The following SOX5 variants were observed in gnomAD, a reference collection of about 807,000 sequenced individuals.
SOX5 encodes transcription factor SOX-5.
In SOX5, 9 loss-of-function variants were observed where a neutral mutation model predicts 92.0. That is an observed-to-expected ratio of 0.10 (90% CI 0.06 to 0.17). The LOEUF is 0.17. SOX5 is among the 10% of genes least tolerant of loss of function. SOX5 has a pLI of 1.00. For missense variants in SOX5, 642 were observed against 944.5 expected (o/e 0.68, Z 4.20); for synonymous variants, 344 against 336.3 (o/e 1.02, Z -0.25).
intron 1 of SOX5, among the ~76,000 whole-genome samples, chr12:24,485,813 C>A (rs1353450761): frequency 1.3e-5 from 2 of 152,192 alleles, no homozygotes; most frequent in Non-Finnish European, 2.9e-5. Flanking sequence ...GTCTTTCAAG[C>A]AGCCACATTT....
At chr12:24,381,317 T>G (rs973364133) in intron 1 of SOX5, among the ~76,000 whole-genome samples, 2 of 152,218 alleles carry the variant, frequency 1.3e-5, no homozygotes. Context: ...AGTTGATAGA[T>G]TTTAGAATGT....
intron 4 of SOX5, among the ~76,000 whole-genome samples, chr12:24,091,864 ACTAAAATT>A (rs1317524361): frequency 6.6e-6 from 1 of 152,030 alleles, no homozygotes; most frequent in East Asian, 1.9e-4. Context: ...TTTTACACCT[ACTAAAATT>A]CTACTCTTCC....
At chr12:23,622,718 C>T (rs1162765127) in intron 8 of SOX5, among the ~76,000 whole-genome samples, 1 of 152,030 alleles carries the variant, frequency 6.6e-6, no homozygotes, top group Non-Finnish European at 1.5e-5. Context: ...AAAAGATTCA[C>T]AAAATCCTAC....
chr12:24,240,903 TGAC>T (rs1417358734), intron 3 of SOX5, among the ~76,000 whole-genome samples: 1 of 152,230 alleles, frequency 6.6e-6, no homozygotes, highest in Non-Finnish European at 1.5e-5. Flanking sequence ...TTTTTCTTAA[TGAC>T]ATCATTTTAA....
At chr12:23,587,753 G>C (rs1950952225) in intron 9 of SOX5, among the ~76,000 whole-genome samples, 1 of 152,010 alleles carries the variant, frequency 6.6e-6, no homozygotes, top group African/African-American at 2.4e-5. Flanking sequence ...AGACCTATTT[G>C]CCTTCAACTT....
intron 1 of SOX5, among the ~76,000 whole-genome samples, chr12:24,536,829 G>A (rs897153221): frequency 6.6e-6 from 1 of 152,054 alleles, no homozygotes; most frequent in African/African-American, 2.4e-5. Context: ...CTGAATTCAA[G>A]GATTCAAATC....
At chr12:23,682,013 T>G (rs1351252069) in intron 6 of SOX5, among the ~76,000 whole-genome samples, 8 of 151,518 alleles carry the variant, frequency 5.3e-5, no homozygotes, top group African/African-American at 1.9e-4. Context: ...ACTTTCTTAA[T>G]TACTGATAGC....
At chr12:24,466,303 T>G (rs1409545429) in intron 1 of SOX5, among the ~76,000 whole-genome samples, 1 of 152,026 alleles carries the variant, frequency 6.6e-6, no homozygotes, top group East Asian at 1.9e-4. Context: ...TGGAGTGCAG[T>G]GGCACAGTTA....
chr12:24,356,592 C>CTCCT (rs1183789625), intron 2 of SOX5, among the ~76,000 whole-genome samples: 1 of 152,136 alleles, frequency 6.6e-6, no homozygotes, highest in African/African-American at 2.4e-5. Flanking sequence ...TACTTCACTC[C>CTCCT]TCCTGTCAGC....
chr12:23,536,554 T>A lies in SOX5; in HGVS notation c.1887A>T (p.Pro629=). 3.1e-6 allele frequency: 5 copies of A among 1,614,168 alleles called. No homozygotes were observed. Among genetic ancestry groups the A allele is most frequent in the Non-Finnish European group, 4.2e-6 (5 of 1,180,020 alleles). The change falls in exon 14 of 15, where the codon CCA becomes CCT. Residue 629 remains proline (P), a synonymous_variant. Transcript: ENST00000451604. The stretch of plus-strand genomic sequence containing the variant: ...TGCCATCCACCAGGCAGGTGCGCTT[T>A]GGCCTGGGCTTGTACTTATAGTCAG... ...KYPDYKYKPR[P]KRTCLVDGKK...
intron 1 of SOX5, among the ~76,000 whole-genome samples, chr12:24,467,791 C>T (rs1020624475): frequency 6.6e-6 from 1 of 152,098 alleles, no homozygotes; most frequent in Non-Finnish European, 1.5e-5. Context: ...AAACTGCCTG[C>T]TATTTGGAGC....
intron 2 of SOX5, among the ~76,000 whole-genome samples, chr12:24,333,243 C>CAA (rs76791699): frequency 6.6e-6 from 1 of 151,476 alleles, no homozygotes; most frequent in Admixed American, 6.6e-5. Context: ...AACTTACCAG[C>CAA]AAAAAAAGTA....
At chr12:24,504,969 G>A (rs1948580675) in intron 1 of SOX5, among the ~76,000 whole-genome samples, 1 of 152,080 alleles carries the variant, frequency 6.6e-6, no homozygotes, top group African/African-American at 2.4e-5. Context: ...TCAATCCTGG[G>A]GTTTGCAATT....
intron 1 of SOX5, among the ~76,000 whole-genome samples, chr12:24,385,370 G>A (rs559551284): frequency 2.2e-4 from 34 of 152,250 alleles, no homozygotes; most frequent in Non-Finnish European, 4.1e-4. Flanking sequence ...GTACATTTAA[G>A]GTAAATTAGG....
intron 3 of SOX5, among the ~76,000 whole-genome samples, chr12:23,775,845 CTT>C (rs1272022921): frequency 6.6e-6 from 1 of 152,152 alleles, no homozygotes; most frequent in Admixed American, 6.5e-5. Context: ...TCATATTTCA[CTT>C]TTTGAGAAAG....
Position 23,530,816 on chromosome 12 carries a change from T to TGCGC in SOX5, c.*3402_*3403insGCGC, listed in dbSNP as rs1555114874. 2 of 132,646 alleles carry TGCGC rather than the reference T, an allele frequency of 1.5e-5. No homozygotes were observed. Among genetic ancestry groups the TGCGC allele is most frequent in the African/African-American group, 5.3e-5 (2 of 37,562 alleles). The allele number at this position is 132,646 out of a possible 1,614,324, so 8.2% of individuals were successfully genotyped here. A position where few individuals can be genotyped will look rare whatever the true frequency, so the allele number is the denominator to read the frequency against. ...TGGGGCAAGTGTGTGTGTGTGTGTG[T>TGCGC]GTGCGCGCGCGCGCGCGCGCATGTG... On this transcript the variant is annotated 3_prime_UTR_variant, in exon 15 of 15. Coordinates refer to ENST00000451604, the MANE Select transcript of SOX5 (RefSeq NM_006940.6).
At chr12:23,866,201 T>C (rs2096811174) in intron 2 of SOX5, among the ~76,000 whole-genome samples, 2 of 152,170 alleles carry the variant, frequency 1.3e-5, no homozygotes, top group Non-Finnish European at 2.9e-5. Context: ...AAGTATAACA[T>C]AATAGCTATA....
intron 1 of SOX5, among the ~76,000 whole-genome samples, chr12:23,938,389 C>T (rs896839907): frequency 6.6e-6 from 1 of 150,852 alleles, no homozygotes; most frequent in Admixed American, 6.6e-5. Context: ...CTATAATGTG[C>T]TAGATTAGTA....
intron 6 of SOX5, among the ~76,000 whole-genome samples, chr12:23,684,224 T>C (rs1170725733): frequency 6.6e-6 from 1 of 152,042 alleles, no homozygotes; most frequent in Non-Finnish European, 1.5e-5. Context: ...TTTTGGTAAG[T>C]CTTCCAAACC....
Sources: allele counts gnomAD v4.1 joint callset (sites outside exome capture counted in the v4.1 genomes callset), GRCh38; gene constraint gnomAD v4.1.1; transcripts MANE v1.5; gene names NCBI Gene and HGNC (gene_info 2026-07-23, HGNC 2026-07-21).